Variants in FSHR observed in about 807,000 individuals in gnomAD.
FSHR encodes the protein follicle stimulating hormone receptor, also known as follicle-stimulating hormone receptor.
FSHR carries 46 observed loss-of-function variants against 52.1 expected under a neutral mutation model. That is an observed-to-expected ratio of 0.88 (90% CI 0.70 to 1.13). FSHR has a LOEUF of 1.13. Among genes scored for constraint, FSHR ranks in the 50% most tolerant of loss-of-function variants. The pLI, the probability that FSHR is intolerant of heterozygous loss-of-function variation, is 0.00. For synonymous variants in FSHR, 399 were observed against 309.6 expected, an observed-to-expected ratio of 1.29 and a Z score of -3.03; for missense variants, 964 against 834.6, an observed-to-expected ratio of 1.16 and a Z score of -1.91.
rs770903417 is a variant in FSHR at position 48,963,253 on chromosome 2, T to A, written c.1568A>T (p.Asp523Val). ...GACATACAGCTGTGACAAAGGGCTG[T>A]CAATATCCATGGGCAGGCAGATGCT... is the stretch of plus-strand genomic sequence containing the variant. ...KVSICLPMDI[D>V]SPLSQLYVMS... Residue 523 changes from aspartate to valine, a missense_variant, in exon 10 of 10, where the codon GAC (aspartate) becomes GTC (valine). Coordinates refer to ENST00000406846, the MANE Select transcript of FSHR (RefSeq NM_000145.4). 1.9e-5 allele frequency: 31 copies of A among 1,614,008 alleles called. No homozygotes were observed. The South Asian group carries it at 3.4e-4, about 18-fold the overall frequency.
intron 6 of FSHR, among the ~76,000 whole-genome samples, chr2:48,986,853 A>T (rs974023770): frequency 2.0e-5 from 3 of 152,214 alleles, no homozygotes; most frequent in Non-Finnish European, 2.9e-5. Context: ...TGGACAAAAA[A>T]GTCAGATCAA....
intron 8 of FSHR, among the ~76,000 whole-genome samples, chr2:48,973,225 C>T (rs1296903334): frequency 6.6e-6 from 1 of 151,794 alleles, no homozygotes; most frequent in African/African-American, 2.4e-5. Context: ...AGAATGAGAA[C>T]CCGTATGGAC....
intron 1 of FSHR, among the ~76,000 whole-genome samples, chr2:49,144,636 C>T (rs1405498338): frequency 7.6e-6 from 1 of 131,292 alleles, no homozygotes; most frequent in Non-Finnish European, 1.7e-5. Context: ...CTAATGTCCT[C>T]TCCAATGTAT....
chr2:49,050,717 C>T (rs1315769051), intron 2 of FSHR, among the ~76,000 whole-genome samples: 1 of 152,028 alleles, frequency 6.6e-6, no homozygotes, highest in Admixed American at 6.6e-5. Flanking sequence ...AACACCTGTC[C>T]CAGAATAGGT....
At chr2:49,061,606 ATATT>A (rs995712200) in intron 2 of FSHR, among the ~76,000 whole-genome samples, 14 of 109,878 alleles carry the variant, frequency 1.3e-4, no homozygotes, top group Middle Eastern at 4.5e-3. Context: ...AAATGTATAT[ATATT>A]TAGATATATA....
At chr2:49,061,268 C>T (rs1468234912) in intron 2 of FSHR, among the ~76,000 whole-genome samples, 1 of 152,082 alleles carries the variant, frequency 6.6e-6, no homozygotes, top group Non-Finnish European at 1.5e-5. Context: ...GCCCCCATAG[C>T]TGCTGTGAGC....
chr2:49,086,234 C>T (rs144651466), intron 1 of FSHR, among the ~76,000 whole-genome samples: 7 of 152,144 alleles, frequency 4.6e-5, no homozygotes, highest in African/African-American at 1.7e-4. Context: ...TCAGCCCATA[C>T]TACATTATAG....
chr2:49,121,410 C>G (rs1327208468), intron 1 of FSHR, among the ~76,000 whole-genome samples: 1 of 152,150 alleles, frequency 6.6e-6, no homozygotes, highest in Non-Finnish European at 1.5e-5. Flanking sequence ...TAAATGGTAG[C>G]TATTATGAAT....
intron 4 of FSHR, among the ~76,000 whole-genome samples, chr2:49,013,513 T>TATATATAAATATATATATATAA (rs1553333459): frequency 1.3e-4 from 18 of 136,586 alleles, no homozygotes; most frequent in Non-Finnish European, 2.4e-4. Flanking sequence ...TATATATATA[T>TATATATAAATATATATATATAA]ATAAATATAT....
chr2:48,986,289 A>G (rs1456010477), intron 6 of FSHR, among the ~76,000 whole-genome samples: 2 of 152,188 alleles, frequency 1.3e-5, no homozygotes, highest in African/African-American at 4.8e-5. Flanking sequence ...ATGTTGCTGC[A>G]AAGGGCATGA....
chr2:49,142,112 C>A (rs1431731167), intron 1 of FSHR, among the ~76,000 whole-genome samples: 1 of 152,176 alleles, frequency 6.6e-6, no homozygotes, highest in Non-Finnish European at 1.5e-5. Flanking sequence ...TTTATTCTTT[C>A]AACTCATATA....
chr2:49,083,618 C>A (rs1210449940), intron 1 of FSHR, among the ~76,000 whole-genome samples: 1 of 149,492 alleles, frequency 6.7e-6, no homozygotes, highest in Non-Finnish European at 1.5e-5. Context: ...TGCAGAGACA[C>A]ACATAGGCTC....
At chr2:48,980,146 C>G (rs1675181531) in intron 8 of FSHR, among the ~76,000 whole-genome samples, 1 of 152,132 alleles carries the variant, frequency 6.6e-6, no homozygotes, top group African/African-American at 2.4e-5. Flanking sequence ...TTAAGGTGAA[C>G]AATTCTTTTG....
intron 1 of FSHR, among the ~76,000 whole-genome samples, chr2:49,071,002 TG>T (rs2103625206): frequency 6.6e-6 from 1 of 152,196 alleles, no homozygotes; most frequent in East Asian, 1.9e-4. Flanking sequence ...CAAGGAACCC[TG>T]GGGGAGTTTC....
intron 1 of FSHR, 68 bp from the exon 2 acceptor site, chr2:49,068,358 T>G: frequency 7.7e-7 from 1 of 1,291,632 alleles, no homozygotes; most frequent in South Asian, 1.2e-5. Context: ...GCTAATGTAT[T>G]CATATCAGCA....
chr2:49,072,320 G>A (rs1669767351), intron 1 of FSHR, among the ~76,000 whole-genome samples: 1 of 151,976 alleles, frequency 6.6e-6, no homozygotes, highest in African/African-American at 2.4e-5. Flanking sequence ...GGAATTATTT[G>A]GATTGACCTA....
chr2:49,060,227 A>AT (rs1449838446), intron 2 of FSHR, among the ~76,000 whole-genome samples: 1 of 152,200 alleles, frequency 6.6e-6, no homozygotes, highest in Non-Finnish European at 1.5e-5. Flanking sequence ...GTACCCTTAC[A>AT]TATTGTTCGT....
Position 49,028,062 on chromosome 2 carries a change from G to A in FSHR, c.225-7902C>T, listed in dbSNP as rs577402573. The stretch of plus-strand genomic sequence containing the variant: ...AAAGGAAAGGCATGTTGATCAGGTC[G>A]TTTGGGTTTCATGTGACCTGACACT... On this transcript the variant is annotated intron_variant, in intron 2 of 9. Transcript: ENST00000406846. 1.1e-4 allele frequency among the ~76,000 whole-genome samples: 16 copies of A among 152,188 alleles called. No homozygotes were observed. The East Asian group carries it at 1.9e-3, about 18-fold the overall frequency.
At chr2:49,150,297 A>C (rs1403853934) in intron 1 of FSHR, among the ~76,000 whole-genome samples, 2 of 151,984 alleles carry the variant, frequency 1.3e-5, no homozygotes, top group African/African-American at 4.8e-5. Flanking sequence ...CCCTGGGAGG[A>C]GATTATTCTT....
Sources: allele counts gnomAD v4.1 joint callset (sites outside exome capture counted in the v4.1 genomes callset), GRCh38; gene constraint gnomAD v4.1.1; transcripts MANE v1.5; gene names NCBI Gene and HGNC (gene_info 2026-07-23, HGNC 2026-07-21).